Variants in SORL1 observed in about 807,000 individuals in gnomAD.
SORL1 encodes the protein sortilin-related receptor.
A neutral mutation model predicts 273.7 loss-of-function variants in SORL1; 127 were observed. The ratio of observed to expected loss-of-function variants is 0.46; its 90% CI spans 0.40 to 0.54. SORL1 has a LOEUF of 0.54. SORL1 is among the 20% of genes least tolerant of loss of function. The pLI is 0.00. For synonymous variants in SORL1, 1,031 were observed against 1,067.4 expected, an observed-to-expected ratio of 0.97 and a Z score of 0.66; for missense variants, 2,494 against 2,846.1, an observed-to-expected ratio of 0.88 and a Z score of 2.81.
intron 26 of SORL1, among the ~76,000 whole-genome samples, chr11:121,584,195 G>C (rs564379625): frequency 1.6e-4 from 25 of 152,312 alleles, no homozygotes; most frequent in African/African-American, 6.0e-4. Flanking sequence ...GAAAGGTTCT[G>C]ACCAGTTTTT....
At chr11:121,529,128 CTCTT>C (rs546484826) in intron 11 of SORL1, among the ~76,000 whole-genome samples, 260 of 152,236 alleles carry the variant, frequency 1.7e-3, no homozygotes, top group Non-Finnish European at 3.1e-3. Flanking sequence ...TGAACTATCT[CTCTT>C]TATCTATTGT....
intron 5 of SORL1, among the ~76,000 whole-genome samples, chr11:121,492,691 A>G (rs1187068166): frequency 1.3e-5 from 2 of 152,178 alleles, no homozygotes; most frequent in African/African-American, 4.8e-5. Context: ...TCTCAACAAT[A>G]TAGAATAGTG....
intron 21 of SORL1, among the ~76,000 whole-genome samples, chr11:121,561,941 G>A (rs911139537): frequency 1.3e-5 from 2 of 152,100 alleles, no homozygotes; most frequent in Non-Finnish European, 2.9e-5. Context: ...CCCAGTTTGG[G>A]TCAAATCAAA....
intron 16 of SORL1, among the ~76,000 whole-genome samples, chr11:121,552,769 A>G (rs1360970817): frequency 6.6e-6 from 1 of 152,238 alleles, no homozygotes; most frequent in African/African-American, 2.4e-5. Flanking sequence ...TGAGTGGTAC[A>G]TGTTAAGTCA....
intron 41 of SORL1, among the ~76,000 whole-genome samples, chr11:121,616,586 G>A (rs1204775026): frequency 6.6e-6 from 1 of 152,190 alleles, no homozygotes; most frequent in East Asian, 1.9e-4. Context: ...CCCATCTCAT[G>A]CTTTGCAGCT....
At chr11:121,466,847 G>A (rs1861089315) in intron 1 of SORL1, among the ~76,000 whole-genome samples, 1 of 151,906 alleles carries the variant, frequency 6.6e-6, no homozygotes, top group Non-Finnish European at 1.5e-5. Context: ...GGTGGCCCTC[G>A]TACAAGTCAT....
chr11:121,545,397 C>T lies in SORL1; in HGVS notation c.2019C>T (p.Ser673=), dbSNP rs12280714. The T allele has an allele frequency of 1.3e-3, 2,151 of 1,614,014 alleles. 25 individuals carry two copies. In the African/African-American group the frequency reaches 0.022, roughly 17 times the overall value. ...GEDFDRPVVV[S]NCSCTREDYE... ...ACTTTGACAGGCCGGTGGTCGTGTC[C>T]AACTGCTCCTGCACCCGGGAGGACT... is the stretch of plus-strand genomic sequence containing the variant. The change falls in exon 14 of 48, where the codon TCC becomes TCT. Residue 673 remains serine (S), a synonymous_variant. Coordinates refer to ENST00000260197, the MANE Select transcript of SORL1 (RefSeq NM_003105.6).
rs374928025 is a variant in SORL1 at position 121,514,275 on chromosome 11, G to T, written c.1165G>T (p.Val389Leu). ...GAAGTTCTCCCTGTCCTTGGAGAAC[G>T]TGCTCTATTACAGCCCAGGAGGGGC... ...GLKFSLSLEN[V>L]LYYSPGGAGS... Residue 389 changes from valine to leucine, a missense_variant, in exon 8 of 48, where the codon GTG (valine) becomes TTG (leucine). Around this residue, in one of 3 missense-constraint regions of SORL1, gnomAD observed 710 missense variants for 882.5 expected, o/e 0.80. Transcript: ENST00000260197. 64 of 1,614,170 alleles carry T rather than the reference G, an allele frequency of 4.0e-5. No individual in the cohort carries two copies. The African/African-American group carries it at 7.9e-4, about 20-fold the overall frequency.
intron 12 of SORL1, among the ~76,000 whole-genome samples, chr11:121,535,551 G>A (rs1862255961): frequency 1.3e-5 from 2 of 152,102 alleles, no homozygotes; most frequent in African/African-American, 4.8e-5. Flanking sequence ...TTTGAAAGAG[G>A]GCTTTCTGCT....
chr11:121,587,447 T>A (rs1269018756), intron 27 of SORL1, among the ~76,000 whole-genome samples: 2 of 152,236 alleles, frequency 1.3e-5, no homozygotes, highest in Non-Finnish European at 2.9e-5. Flanking sequence ...GCATTCCTGG[T>A]GTCTCTCTCT....
intron 1 of SORL1, among the ~76,000 whole-genome samples, chr11:121,456,565 G>T (rs549224952): frequency 6.6e-6 from 1 of 152,354 alleles, no homozygotes; most frequent in East Asian, 1.9e-4. Flanking sequence ...AGATAGTGGA[G>T]CCCTGATTTG....
intron 16 of SORL1, among the ~76,000 whole-genome samples, chr11:121,552,014 A>G (rs954638129): frequency 1.3e-5 from 2 of 152,288 alleles, no homozygotes; most frequent in Admixed American, 6.5e-5. Context: ...AAGGGACAAA[A>G]CAGTTTGTTT....
At position 121,557,391 on chromosome 11, in the gene SORL1, C is replaced by T. The variant is rs1362451877; in HGVS notation, c.2649C>T (p.Leu883=). The T allele has an allele frequency of 5.6e-6, 9 of 1,613,774 alleles. No homozygotes were observed. Among genetic ancestry groups the T allele is most frequent in the South Asian group, 2.2e-5 (2 of 91,064 alleles). The change falls in exon 19 of 48, where the codon CTC becomes CTT. Residue 883 remains leucine, a synonymous_variant. Coordinates refer to ENST00000260197, the MANE Select transcript of SORL1 (RefSeq NM_003105.6). ...SVLDRPRALV[L]VPQEGVMFWT... Reference sequence around the variant, plus strand: ...TTGATCGTCCCAGGGCTCTGGTCCTCGTGCCCCAAGAGGGGTAAGTGTTGC... The same window carrying T: ...TTGATCGTCCCAGGGCTCTGGTCCTTGTGCCCCAAGAGGGGTAAGTGTTGC...
chr11:121,588,256 G>C (rs2134896689), intron 28 of SORL1, 105 bp downstream of exon 28: 1 of 1,366,978 alleles, frequency 7.3e-7, no homozygotes, highest in Non-Finnish European at 1.0e-6. Flanking sequence ...GACAGGTCTT[G>C]GTTGAGTGTC....
intron 1 of SORL1, among the ~76,000 whole-genome samples, chr11:121,465,431 G>A (rs1236305789): frequency 1.3e-5 from 2 of 152,082 alleles, no homozygotes; most frequent in African/African-American, 2.4e-5. Flanking sequence ...TCTAGCTACC[G>A]TCATTTAGTT....
intron 12 of SORL1, among the ~76,000 whole-genome samples, chr11:121,534,326 C>T (rs575233612): frequency 2.5e-4 from 38 of 152,308 alleles, no homozygotes; most frequent in Middle Eastern, 3.4e-3. Flanking sequence ...CACCATCTGT[C>T]GGTGCATATG....
At position 121,611,093 on chromosome 11, in the gene SORL1, A is replaced by G. The variant is rs767322041; in HGVS notation, c.5257A>G (p.Ile1753Val). 143 of 1,613,112 alleles carry G rather than the reference A, an allele frequency of 8.9e-5. No individual in the cohort carries two copies. The highest frequency in any genetic ancestry group is 1.2e-4 in the Non-Finnish European group (138 of 1,179,178). Residue 1753 changes from isoleucine (I) to valine (V), a missense_variant, in exon 39 of 48, where the codon ATC becomes GTC. Coordinates refer to ENST00000260197, the MANE Select transcript of SORL1 (RefSeq NM_003105.6). The stretch of plus-strand genomic sequence containing the variant: ...GTTTTCAGTGATCCCACCACCAGAT[A>G]TCCACATTGACAGCTATGGTGAAAA... ...IKGKVIPPPD[I>V]HIDSYGENYL... is the part of the protein sequence containing the mutation.
At position 121,558,813 on chromosome 11, in the gene SORL1, C is replaced by A; in HGVS notation, c.2886C>A (p.His962Gln). 6.2e-7 allele frequency: 1 copy of A among 1,614,136 alleles called. No individual in the cohort carries two copies. Among genetic ancestry groups the A allele is most frequent in the Non-Finnish European group, 8.5e-7 (1 of 1,180,016 alleles). Residue 962 changes from histidine to glutamine, a missense_variant, in exon 20 of 48, where the codon CAC (histidine) becomes CAA (glutamine). His to Gln is a conservative substitution (Grantham distance 24). Transcript: ENST00000260197. ...CTGTCATTCTGGACAACCTCCCGCA[C>A]CCCTATGCCATTGCTGTCTTTAAGG... is the stretch of plus-strand genomic sequence containing the variant. ...QRSVILDNLP[H>Q]PYAIAVFKNE...
In SORL1 at chr11:121,613,847, G is replaced by A. The variant is rs1863602858; in HGVS notation, c.5419+1015G>A. 3.3e-5 allele frequency among the ~76,000 whole-genome samples: 5 copies of A among 152,332 alleles called. 1 individual carries two copies. In the South Asian group the frequency reaches 1.0e-3, roughly 32 times the overall value. On this transcript the variant is annotated intron_variant, in intron 40 of 47. Coordinates refer to ENST00000260197, the MANE Select transcript of SORL1 (RefSeq NM_003105.6). ...GAAACTGGCAGAGTCAGGAGCAGAA[G>A]CCTTAACTAGCTGTTGTTTGAAATC...
Sources: allele counts gnomAD v4.1 joint callset (sites outside exome capture counted in the v4.1 genomes callset), GRCh38; gene constraint gnomAD v4.1.1; regional missense constraint gnomAD v4.1.1; transcripts MANE v1.5; gene names NCBI Gene and HGNC (gene_info 2026-07-23, HGNC 2026-07-21).